The following NLRP2 variants were observed in gnomAD, a reference collection of about 807,000 sequenced individuals.
NLRP2 encodes the protein NLR family pyrin domain containing 2.
NLRP2 carries 107 observed loss-of-function variants against 97.2 expected under a neutral mutation model. That is an observed-to-expected ratio of 1.10 (90% confidence interval 0.94 to 1.29). NLRP2 has a LOEUF of 1.29. NLRP2 is among the 50% of genes most tolerant of loss of function. The pLI, the probability that NLRP2 is intolerant of heterozygous loss-of-function variation, is 0.00. For synonymous variants in NLRP2, 663 were observed against 551.5 expected (o/e 1.20, Z -2.83); for missense variants, 1,495 against 1,330.3 (o/e 1.12, Z -1.93).
chr19:54,994,418 T>C lies in NLRP2; in HGVS notation c.2858T>C (p.Leu953Pro). Residue 953 changes from leucine (L) to proline (P), a missense_variant, in exon 11 of 13, where the codon CTG (leucine) becomes CCG (proline). Coordinates refer to ENST00000448584, the MANE Select transcript of NLRP2 (RefSeq NM_017852.5). ...CTGTGTGAGGCTTTGAGGAAACCAC[T>C]GTGCAACTTGAGATGTCTGTGGTGA... is the stretch of plus-strand genomic sequence containing the variant. ...KFLCEALRKPLCNLRCLWLWG... is the reference protein window; with the variant it reads ...KFLCEALRKPPCNLRCLWLWG... The C allele has an allele frequency of 6.2e-7, 1 of 1,613,100 alleles. No individual in the cohort carries two copies. Among genetic ancestry groups the C allele is most frequent in the Non-Finnish European group, 8.5e-7 (1 of 1,180,022 alleles).
Position 54,983,543 on chromosome 19 carries a change from G to A in NLRP2, c.1845G>A (p.Glu615=). The part of the protein sequence containing the change: ...LLGCLYESQE[E]ELVKEVMAQF... ...GCTGTCTGTACGAGTCTCAGGAGGA[G>A]GAGCTGGTGAAGGAGGTGATGGCTC... The change falls in exon 6 of 13, where the codon GAG becomes GAA. Residue 615 remains glutamate, a synonymous_variant. Coordinates refer to ENST00000448584, the MANE Select transcript of NLRP2 (RefSeq NM_017852.5). 3 of 1,614,214 alleles carry A rather than the reference G, an allele frequency of 1.9e-6. No individual in the cohort carries two copies. The highest frequency in any genetic ancestry group is 1.3e-5 in the African/African-American group (1 of 75,066).
At position 54,971,652 on chromosome 19, in the gene NLRP2, C is replaced by A. The variant is rs1023696741; in HGVS notation, c.280+1357C>A. On this transcript the variant is annotated intron_variant, in intron 2 of 12. Coordinates refer to ENST00000448584, the MANE Select transcript of NLRP2 (RefSeq NM_017852.5). ...GAAGTGTCTGTTCATGTCGTTCGCC[C>A]ACTTTTTGATGGGGTTGTTTGTTTT... Among the ~76,000 whole-genome samples the A allele has an allele frequency of 1.2e-3, 178 of 151,852 alleles. 2 individuals carry two copies. The highest frequency in any genetic ancestry group is 2.4e-4 in the Non-Finnish European group (16 of 67,978).
rs143826079 is a variant in NLRP2, at chr19:54,987,354, C to T, written c.2366+1039C>T. 3.3e-5 allele frequency among the ~76,000 whole-genome samples: 5 copies of T among 152,268 alleles called. No individual in the cohort carries two copies. In the East Asian group the frequency reaches 9.6e-4, roughly 29 times the overall value. ...AGTCCTCTGGTTTGAGAGCTCTCCCCTTGGGAAGCTGTCCAGTGGCTGCCC... is the reference window on the plus strand; with the variant it reads ...AGTCCTCTGGTTTGAGAGCTCTCCCTTTGGGAAGCTGTCCAGTGGCTGCCC... On this transcript the variant is annotated intron_variant, in intron 8 of 12. Coordinates refer to ENST00000448584, the MANE Select transcript of NLRP2 (RefSeq NM_017852.5).
chr19:54,993,467 C>G (rs1197696095), intron 10 of NLRP2: 1 of 152,544 alleles, frequency 6.6e-6, no homozygotes, highest in Non-Finnish European at 1.5e-5. Context: ...TGAAATATCT[C>G]TGATAATCTG....
chr19:55,001,053 A>G lies in NLRP2; in HGVS notation c.*155A>G, dbSNP rs1412548133. The G allele has an allele frequency of 1.1e-5, 7 of 656,210 alleles. No individual in the cohort carries two copies. The highest frequency in any genetic ancestry group is 2.5e-5 in the Admixed American group (1 of 40,500). The allele number at this position is 656,210 out of a possible 1,614,324, so 40.6% of individuals were successfully genotyped here. On this transcript the variant is annotated 3_prime_UTR_variant, in exon 13 of 13. Coordinates refer to ENST00000448584, the MANE Select transcript of NLRP2 (RefSeq NM_017852.5). The stretch of plus-strand genomic sequence containing the variant: ...AGCCATGATTCTGCCTCTGTTTTAT[A>G]CCTGCACACATCCTTATCTTTGTTA...
At chr19:54,984,809 G>A (rs931204495) in intron 6 of NLRP2, among the ~76,000 whole-genome samples, 1 of 152,012 alleles carries the variant, frequency 6.6e-6, no homozygotes, top group Non-Finnish European at 1.5e-5. Flanking sequence ...TATCAATGAT[G>A]TGCTTAGCAT....
chr19:54,979,039 C>T (rs1381718439), intron 4 of NLRP2, among the ~76,000 whole-genome samples: 1 of 151,614 alleles, frequency 6.6e-6, no homozygotes, highest in African/African-American at 2.4e-5. Context: ...GGCTGGAGTG[C>T]AGTGGCCCCA....
At chr19:54,967,179 T>G (rs970059357) in intron 1 of NLRP2, among the ~76,000 whole-genome samples, 3 of 152,056 alleles carry the variant, frequency 2.0e-5, no homozygotes, top group African/African-American at 7.2e-5. Context: ...AATCTTTTCT[T>G]CTGTTAGAAA....
chr19:54,992,605 C>T (rs2072562927), intron 10 of NLRP2, among the ~76,000 whole-genome samples: 1 of 140,082 alleles, frequency 7.1e-6, no homozygotes, highest in Non-Finnish European at 1.5e-5. Context: ...TGCTCTGTCG[C>T]CCAGGCTGGA....
rs1654494 is a variant in NLRP2, at chr19:54,989,865, C to A, written c.2367-157C>A. 8,435 of 726,426 alleles carry A rather than the reference C, an allele frequency of 0.012. 483 individuals carry two copies. In the African/African-American group the frequency reaches 0.13, roughly 11 times the overall value. 45.0% of individuals were successfully genotyped at this position (726,426 alleles called of 1,614,324 possible). The stretch of plus-strand genomic sequence containing the variant: ...TGGGCATGTTGGTGCATGGTGCATG[C>A]CTGCAGTCCCAGCTACTCGGGAGGC... On this transcript the variant is annotated intron_variant, in intron 8 of 12. Transcript: ENST00000448584.
chr19:54,983,333 C>T lies in NLRP2; in HGVS notation c.1635C>T (p.Leu545=). 1 of 1,614,206 alleles carries T rather than the reference C, an allele frequency of 6.2e-7. No homozygotes were observed. The highest frequency in any genetic ancestry group is 8.5e-7 in the Non-Finnish European group (1 of 1,180,034). The part of the protein sequence containing the change: ...VQKLLSGVER[L]RNPDLIQAGY... Reference sequence around the variant, plus strand: ...AGCTGCTTTCCGGAGTAGAAAGACTCAGGAACCCCGACCTGATCCAAGCAG... The same window carrying T: ...AGCTGCTTTCCGGAGTAGAAAGACTTAGGAACCCCGACCTGATCCAAGCAG... The change falls in exon 6 of 13, where the codon CTC becomes CTT. Residue 545 remains leucine (L), a synonymous_variant. Coordinates refer to ENST00000448584, the MANE Select transcript of NLRP2 (RefSeq NM_017852.5).
At chr19:54,978,524 C>G (rs950098778) in intron 4 of NLRP2, among the ~76,000 whole-genome samples, 1 of 152,074 alleles carries the variant, frequency 6.6e-6, no homozygotes, top group South Asian at 2.1e-4. Context: ...GGATTACAGG[C>G]GAGAGCCACC....
At chr19:54,968,820 GC>G (rs1215602529) in intron 1 of NLRP2, among the ~76,000 whole-genome samples, 2 of 150,996 alleles carry the variant, frequency 1.3e-5, no homozygotes, top group African/African-American at 4.9e-5. Flanking sequence ...TCCTGCCTCA[GC>G]CTCCCAAGTA....
intron 10 of NLRP2, chr19:54,993,940 C>A: frequency 2.3e-6 from 1 of 429,188 alleles, no homozygotes; most frequent in Non-Finnish European, 4.3e-6. Flanking sequence ...GCTCCCTTAT[C>A]ACGTCACCTC....
chr19:54,991,047 C>A, intron 10 of NLRP2: 1 of 286,242 alleles, frequency 3.5e-6, no homozygotes, highest in Non-Finnish European at 6.6e-6. Context: ...CCATGTCACC[C>A]CATGCTGTGT....
chr19:54,976,477 G>A (rs2071235237), intron 3 of NLRP2, among the ~76,000 whole-genome samples: 1 of 151,818 alleles, frequency 6.6e-6, no homozygotes, highest in African/African-American at 2.4e-5. Context: ...CTCCCAAGTA[G>A]CTGGGATTAC....
chr19:55,000,270 CTTTTTTTTTTTTTTT>C (rs1157138794), intron 12 of NLRP2, among the ~76,000 whole-genome samples: 158 of 36,010 alleles, frequency 4.4e-3, no homozygotes, highest in East Asian at 0.015. Context: ...GAGAGACTGT[CTTTTTTTTTTTTTTT>C]TTTTTTTTTT....
chr19:55,000,752 T>C lies in NLRP2; in HGVS notation c.3051-8T>C. ...AAAGTAACCTTTTCTTCCCCCATTG[T>C]ACCCCAGGTTGAAAATCGATGACTT... On this transcript the variant is annotated splice_region_variant and splice_polypyrimidine_tract_variant and intron_variant, in intron 12 of 12. Coordinates refer to ENST00000448584, the MANE Select transcript of NLRP2 (RefSeq NM_017852.5). 1.2e-6 allele frequency: 2 copies of C among 1,613,544 alleles called. No individual in the cohort carries two copies. Among genetic ancestry groups the C allele is most frequent in the South Asian group, 1.1e-5 (1 of 91,050 alleles).
intron 12 of NLRP2, among the ~76,000 whole-genome samples, chr19:54,999,209 G>A (rs1238841280): frequency 6.6e-6 from 1 of 152,154 alleles, no homozygotes; most frequent in African/African-American, 2.4e-5. Context: ...GCGCAATGGC[G>A]CTATCTCGGC....
Sources: gnomAD v4.1 joint callset for allele counts (sites outside exome capture counted in the v4.1 genomes callset) on GRCh38, gnomAD v4.1.1 for gene constraint, MANE v1.5 for transcripts, NCBI Gene and HGNC (gene_info 2026-07-23, HGNC 2026-07-21) for gene names.